The following PARVB variants were observed in gnomAD, a reference collection of about 807,000 sequenced individuals.
PARVB encodes the protein beta-parvin.
Under a neutral mutation model 47.0 loss-of-function variants are expected in PARVB, and 46 were observed. The observed-to-expected ratio is 0.98, with a 90% confidence interval of 0.77 to 1.25. The LOEUF (loss-of-function observed/expected upper bound fraction) is 1.25. Ranked by LOEUF, PARVB falls within the 50% of genes most tolerant of loss-of-function variation. The pLI is 0.00. For synonymous variants in PARVB, 196 were observed against 196.3 expected, an observed-to-expected ratio of 1.00 and a Z score of 0.01; for missense variants, 473 against 471.6, an observed-to-expected ratio of 1.00 and a Z score of -0.03.
At chr22:44,039,270 G>T (rs2050975496) in intron 1 of PARVB, among the ~76,000 whole-genome samples, 2 of 152,108 alleles carry the variant, frequency 1.3e-5, no homozygotes, top group South Asian at 4.1e-4. Flanking sequence ...GGAATCTGTG[G>T]CTGAGCACGG....
At chr22:44,131,704 T>A in intron 5 of PARVB, 77 bp downstream of exon 5, 2 of 1,450,634 alleles carry the variant, frequency 1.4e-6, no homozygotes, top group Non-Finnish European at 1.9e-6. Context: ...ACATTTGTCA[T>A]CCACATTCAT....
chr22:44,117,162 G>A lies in PARVB; in HGVS notation c.274-1876G>A, dbSNP rs369772116. Among the ~76,000 whole-genome samples, 44 of 152,252 alleles carry A rather than the reference G, an allele frequency of 2.9e-4. No individual in the cohort carries two copies. In the East Asian group the frequency reaches 7.0e-3, roughly 24 times the overall value. On this transcript the variant is annotated intron_variant, in intron 3 of 12. Coordinates refer to ENST00000338758, the MANE Select transcript of PARVB (RefSeq NM_013327.5). ...CCCCGTGGCAGGGGCATGGAGAGGCGGGCCCTGTGCTTAGGGGGTCCTGGG... is the reference window on the plus strand; with the variant it reads ...CCCCGTGGCAGGGGCATGGAGAGGCAGGCCCTGTGCTTAGGGGGTCCTGGG...
At chr22:44,042,897 C>T (rs1000423697) in intron 1 of PARVB, among the ~76,000 whole-genome samples, 8 of 152,150 alleles carry the variant, frequency 5.3e-5, no homozygotes, top group Admixed American at 5.2e-4. Flanking sequence ...AAATACTTAG[C>T]TGGCTTGATC....
At chr22:44,015,544 CGCGGTGACTCAT>C (rs749030691) in intron 2 of PARVB, among the ~76,000 whole-genome samples, 27 of 152,150 alleles carry the variant, frequency 1.8e-4, no homozygotes, top group Non-Finnish European at 2.1e-4. Context: ...TGGGGCTGGG[CGCGGTGACTCAT>C]GCCTGTAATC....
chr22:44,024,158 G>C (rs1569057050), upstream of PARVB: 1 of 188,700 alleles, frequency 5.3e-6, no homozygotes, highest in Non-Finnish European at 9.9e-6. Context: ...CGCGGGACGG[G>C]GACGGCTCTG....
chr22:44,034,663 G>A (rs1315252697), intron 1 of PARVB, among the ~76,000 whole-genome samples: 1 of 120,198 alleles, frequency 8.3e-6, no homozygotes, highest in African/African-American at 2.6e-5. Flanking sequence ...AGCACAGGGG[G>A]AAAGAGGCAC....
At chr22:44,025,735 C>T (rs1021367448) in intron 1 of PARVB, among the ~76,000 whole-genome samples, 1 of 151,582 alleles carries the variant, frequency 6.6e-6, no homozygotes, top group Admixed American at 6.6e-5. Flanking sequence ...CTATCATCCC[C>T]ACTGTTCTTC....
chr22:44,060,687 G>A (rs1417326182), intron 1 of PARVB, among the ~76,000 whole-genome samples: 1 of 152,014 alleles, frequency 6.6e-6, no homozygotes, highest in Non-Finnish European at 1.5e-5. Flanking sequence ...GTTTGATGTT[G>A]CTCAAGAAGG....
At chr22:44,111,204 G>T (rs1472980645) in intron 3 of PARVB, 1 of 152,120 alleles carries the variant, frequency 6.6e-6, no homozygotes, top group South Asian at 2.1e-4. Flanking sequence ...TGGAATTGCC[G>T]GGTCATATAG....
chr22:44,023,732 A>T (rs1168490740), upstream of PARVB, among the ~76,000 whole-genome samples: 1 of 151,204 alleles, frequency 6.6e-6, no homozygotes, highest in East Asian at 1.9e-4. Flanking sequence ...TCTTCTGCTC[A>T]CCTCATGGTA....
upstream of PARVB, among the ~76,000 whole-genome samples, chr22:44,019,415 T>C: frequency 6.6e-5 from 10 of 150,664 alleles, no homozygotes; most frequent in Middle Eastern, 3.5e-3. Context: ...AGACAGGGTT[T>C]CACCATGTTG....
At chr22:44,016,278 A>T (rs1390003781) in intron 2 of PARVB, among the ~76,000 whole-genome samples, 1 of 151,708 alleles carries the variant, frequency 6.6e-6, no homozygotes, top group Non-Finnish European at 1.5e-5. Context: ...TTGTATTTTT[A>T]GTAGAGACGG....
chr22:44,043,001 C>A (rs2051046866), intron 1 of PARVB, among the ~76,000 whole-genome samples: 1 of 152,166 alleles, frequency 6.6e-6, no homozygotes, highest in South Asian at 2.1e-4. Context: ...GGACCCAACC[C>A]AGATGTCCGT....
At chr22:44,056,272 G>C (rs979788060) in intron 1 of PARVB, among the ~76,000 whole-genome samples, 1 of 152,214 alleles carries the variant, frequency 6.6e-6, no homozygotes, top group Admixed American at 6.5e-5. Context: ...CCGTCCCTTT[G>C]TCACCTGGGA....
chr22:44,128,365 C>T (rs1221739933), intron 4 of PARVB, among the ~76,000 whole-genome samples: 4 of 152,236 alleles, frequency 2.6e-5, no homozygotes, highest in Admixed American at 2.6e-4. Flanking sequence ...AGAATCCTCC[C>T]CAGTTTTCTC....
At chr22:44,007,741 A>G (rs1325392984) in intron 2 of PARVB, among the ~76,000 whole-genome samples, 1 of 152,050 alleles carries the variant, frequency 6.6e-6, no homozygotes, top group Non-Finnish European at 1.5e-5. Flanking sequence ...ATCCATTTAC[A>G]CTGTTGAGCA....
chr22:44,095,091 C>T (rs1200687078), intron 2 of PARVB, among the ~76,000 whole-genome samples: 1 of 145,606 alleles, frequency 6.9e-6, no homozygotes, highest in Non-Finnish European at 1.6e-5. Context: ...GGCTCAGGCT[C>T]TGAGTGGTTT....
At chr22:44,087,640 C>T (rs2052056013) in intron 1 of PARVB, among the ~76,000 whole-genome samples, 1 of 151,750 alleles carries the variant, frequency 6.6e-6, no homozygotes, top group South Asian at 2.1e-4. Flanking sequence ...AAAAAGCTGC[C>T]TGAAAATCCT....
intron 5 of PARVB, among the ~76,000 whole-genome samples, chr22:44,132,101 G>A (rs995904489): frequency 1.3e-5 from 2 of 152,122 alleles, no homozygotes; most frequent in African/African-American, 2.4e-5. Flanking sequence ...AGTTCTCCTC[G>A]GTCCTGCCCA....
Sources: allele counts gnomAD v4.1 joint callset (sites outside exome capture counted in the v4.1 genomes callset), GRCh38; gene constraint gnomAD v4.1.1; transcripts MANE v1.5; gene names NCBI Gene and HGNC (gene_info 2026-07-23, HGNC 2026-07-21).